DLG2: variants seen among roughly 807,000 people sequenced by gnomAD.
DLG2 encodes the protein discs large MAGUK scaffold protein 2, also known as disks large homolog 2.
A neutral mutation model predicts 132.5 loss-of-function variants in DLG2; 45 were observed. The ratio of observed to expected loss-of-function variants is 0.34; its 90% CI spans 0.27 to 0.44. The LOEUF (loss-of-function observed/expected upper bound fraction) is 0.44, where lower values mean the gene tolerates loss of function less well. Among genes scored for constraint, DLG2 ranks in the 20% least tolerant of loss-of-function variants. The pLI, the probability that DLG2 is intolerant of heterozygous loss-of-function variation, is 1.00. For synonymous variants in DLG2, 424 were observed against 419.6 expected (o/e 1.01, Z -0.13); for missense variants, 1,045 against 1,196.9 (o/e 0.87, Z 1.87).
chr11:84,637,182 A>G (rs982989613), intron 6 of DLG2, among the ~76,000 whole-genome samples: 1 of 152,190 alleles, frequency 6.6e-6, no homozygotes, highest in Non-Finnish European at 1.5e-5. Flanking sequence ...TGCAGGCCAG[A>G]GGACAGGCTA....
intron 3 of DLG2, among the ~76,000 whole-genome samples, chr11:85,550,579 G>A (rs2076607060): frequency 1.3e-5 from 2 of 152,150 alleles, no homozygotes; most frequent in Admixed American, 6.5e-5. Context: ...TTCCCAGGAG[G>A]AGTTGAGAGC....
intron 7 of DLG2, among the ~76,000 whole-genome samples, chr11:84,364,782 T>G (rs2098671762): frequency 6.6e-6 from 1 of 152,210 alleles, no homozygotes; most frequent in Admixed American, 6.5e-5. Flanking sequence ...GTGGTTTTTG[T>G]CTTTGGTTCC....
At chr11:84,323,720 C>CTTTT (rs35283044) in intron 7 of DLG2, among the ~76,000 whole-genome samples, 3 of 123,786 alleles carry the variant, frequency 2.4e-5, no homozygotes, top group Non-Finnish European at 3.4e-5. Flanking sequence ...TTCTTTTTTC[C>CTTTT]TTTTTTTTTT....
At chr11:85,333,599 T>C (rs1292203183) in intron 3 of DLG2, among the ~76,000 whole-genome samples, 1 of 151,750 alleles carries the variant, frequency 6.6e-6, no homozygotes, top group Non-Finnish European at 1.5e-5. Flanking sequence ...CTGAGGTATG[T>C]TCCTTTGATG....
chr11:84,993,901 C>G (rs895967262), intron 6 of DLG2, among the ~76,000 whole-genome samples: 11 of 152,034 alleles, frequency 7.2e-5, no homozygotes, highest in African/African-American at 1.9e-4. Context: ...TCTGCAGGAA[C>G]AGACCCCGCA....
At chr11:84,928,752 C>T (rs1249088622) in intron 6 of DLG2, among the ~76,000 whole-genome samples, 1 of 151,154 alleles carries the variant, frequency 6.6e-6, no homozygotes, top group African/African-American at 2.4e-5. Flanking sequence ...GATAATAATA[C>T]CCAATTTACA....
At chr11:84,059,901 A>C (rs780151128) in intron 10 of DLG2, among the ~76,000 whole-genome samples, 17 of 152,248 alleles carry the variant, frequency 1.1e-4, no homozygotes, top group Non-Finnish European at 2.1e-4. Context: ...AATTATTTAC[A>C]GACTAATTTT....
chr11:84,321,762 CTT>C (rs1016450664), intron 7 of DLG2, among the ~76,000 whole-genome samples: 4 of 152,188 alleles, frequency 2.6e-5, no homozygotes, highest in Non-Finnish European at 5.9e-5. Flanking sequence ...AGCTTCTAGT[CTT>C]TACTTCCAAC....
chr11:84,214,551 G>A (rs1011693696), intron 8 of DLG2, among the ~76,000 whole-genome samples: 1 of 151,902 alleles, frequency 6.6e-6, no homozygotes, highest in Non-Finnish European at 1.5e-5. Flanking sequence ...TCAGAAACTT[G>A]AGATGAAGAA....
At position 85,550,251 on chromosome 11, in the gene DLG2, G is replaced by T. The variant is rs918544567; in HGVS notation, c.40+48406C>A. 5.3e-5 allele frequency among the ~76,000 whole-genome samples: 8 copies of T among 152,352 alleles called. No homozygotes were observed. In the East Asian group the frequency reaches 1.5e-3, roughly 29 times the overall value. On this transcript the variant is annotated intron_variant, in intron 3 of 27. Coordinates refer to ENST00000376104, the MANE Select transcript of DLG2 (RefSeq NM_001142699.3). Reference sequence around the variant, plus strand: ...CTGGCAGAGGACAGCCACCTAGCATGAAAAGGTGGAGGGCCCACTGAGCTG... The same window carrying T: ...CTGGCAGAGGACAGCCACCTAGCATTAAAAGGTGGAGGGCCCACTGAGCTG...
At chr11:84,849,984 C>T (rs1010201877) in intron 6 of DLG2, among the ~76,000 whole-genome samples, 4 of 151,992 alleles carry the variant, frequency 2.6e-5, no homozygotes, top group Admixed American at 6.6e-5. Context: ...CTCCAGAAAA[C>T]GATTTTCTTT....
At chr11:85,511,606 G>C (rs575751994) in intron 3 of DLG2, among the ~76,000 whole-genome samples, 4 of 151,786 alleles carry the variant, frequency 2.6e-5, no homozygotes, top group Non-Finnish European at 4.4e-5. Flanking sequence ...GCAATACAAG[G>C]GACTATGCAT....
intron 6 of DLG2, among the ~76,000 whole-genome samples, chr11:84,782,186 C>A (rs776234647): frequency 2.6e-5 from 4 of 152,052 alleles, no homozygotes; most frequent in African/African-American, 9.7e-5. Context: ...AACTTCCCCA[C>A]ACTCCAAGAT....
intron 6 of DLG2, among the ~76,000 whole-genome samples, chr11:84,694,649 A>G (rs947384540): frequency 1.3e-5 from 2 of 151,576 alleles, no homozygotes; most frequent in African/African-American, 4.8e-5. Flanking sequence ...CATAATTTCA[A>G]AAATCTTTCT....
At chr11:84,682,141 A>G (rs1361302533) in intron 6 of DLG2, among the ~76,000 whole-genome samples, 3 of 152,136 alleles carry the variant, frequency 2.0e-5, no homozygotes, top group African/African-American at 7.2e-5. Context: ...ATCTACCTCC[A>G]TTACCCAAAC....
chr11:85,271,506 G>A (rs2077527036), intron 4 of DLG2, among the ~76,000 whole-genome samples: 1 of 152,190 alleles, frequency 6.6e-6, no homozygotes, highest in African/African-American at 2.4e-5. Flanking sequence ...CAGAATGGTA[G>A]ATCCACCCAC....
At chr11:84,836,926 T>C (rs907794227) in intron 6 of DLG2, among the ~76,000 whole-genome samples, 1 of 151,874 alleles carries the variant, frequency 6.6e-6, no homozygotes, top group Non-Finnish European at 1.5e-5. Flanking sequence ...TTGTTACAGA[T>C]GTATACATGT....
intron 6 of DLG2, among the ~76,000 whole-genome samples, chr11:85,066,039 A>G (rs2064869379): frequency 6.6e-6 from 1 of 151,170 alleles, no homozygotes; most frequent in African/African-American, 2.4e-5. Flanking sequence ...CTTTGAAAAG[A>G]TAAACAAAAT....
intron 6 of DLG2, among the ~76,000 whole-genome samples, chr11:84,579,564 G>C (rs79710085): frequency 6.6e-5 from 10 of 152,278 alleles, no homozygotes; most frequent in African/African-American, 2.4e-4. Context: ...AGAATGACCC[G>C]TGTGAGGATG....
Sources: gnomAD v4.1 joint callset for allele counts (sites outside exome capture counted in the v4.1 genomes callset) on GRCh38, gnomAD v4.1.1 for gene constraint, MANE v1.5 for transcripts, NCBI Gene and HGNC (gene_info 2026-07-23, HGNC 2026-07-21) for gene names.